The following CFAP47 variants were observed in gnomAD, a reference collection of about 807,000 sequenced individuals.
CFAP47 encodes cilia- and flagella-associated protein 47.
A neutral mutation model predicts 148.1 loss-of-function variants in CFAP47; 29 were observed. That is an observed-to-expected ratio of 0.20 (90% CI 0.15 to 0.27). CFAP47 has a LOEUF of 0.27. Ranked by LOEUF, CFAP47 falls within the 10% of genes least tolerant of loss-of-function variation. The pLI is 1.00. For missense variants in CFAP47, 1,872 were observed against 1,697.5 expected (o/e 1.10, Z -1.81); for synonymous variants, 664 against 577.3 (o/e 1.15, Z -2.15).
At chrX:36,211,684 T>A (rs187657097) in intron 45 of CFAP47, 44 of 187,266 alleles carry the variant, frequency 2.3e-4, no homozygotes, top group Middle Eastern at 5.0e-3. Flanking sequence ...AGGAGGAAGA[T>A]GAAGAAGATG....
chrX:36,195,933 T>C (rs1247929219), intron 42 of CFAP47, among the ~76,000 whole-genome samples: 5 of 111,677 alleles, frequency 4.5e-5, no homozygotes, highest in African/African-American at 1.6e-4. Context: ...GAGGAAATAA[T>C]GTCCTAAAAC....
intron 49 of CFAP47, among the ~76,000 whole-genome samples, chrX:36,275,589 T>C (rs952098430): frequency 5.3e-4 from 59 of 111,042 alleles, no homozygotes; most frequent in Middle Eastern, 4.6e-3. Context: ...CTGAATTCAG[T>C]ATGCCAGTGT....
At position 36,053,431 on chromosome X, in the gene CFAP47, CATT is replaced by C. The variant is rs774466500; in HGVS notation, c.4217+6372_4217+6374del. On this transcript the variant is annotated intron_variant, in intron 26 of 63. Coordinates refer to ENST00000378653, the MANE Select transcript of CFAP47 (RefSeq NM_001304548.2). The stretch of plus-strand genomic sequence containing the variant: ...TCAGTATGGTAATATTACCTCAAAA[CATT>C]ATTTGTCATGGTTTGGGGGGATGAG... Among the ~76,000 whole-genome samples the C allele has an allele frequency of 5.1e-3, 571 of 111,649 alleles. 6 individuals carry two copies. Among genetic ancestry groups the C allele is most frequent in the African/African-American group, 0.018 (547 of 30,700 alleles).
intron 29 of CFAP47, among the ~76,000 whole-genome samples, chrX:36,076,280 T>G (rs1937853652): frequency 1.9e-5 from 2 of 105,826 alleles, no homozygotes; most frequent in Non-Finnish European, 3.9e-5. Context: ...CTGCACCCAT[T>G]AACTCATCAT....
chrX:36,108,832 A>G (rs749732714), intron 33 of CFAP47, among the ~76,000 whole-genome samples: 2 of 101,095 alleles, frequency 2.0e-5, no homozygotes, highest in East Asian at 6.1e-4. Context: ...TCATGGGTAC[A>G]TGTTCAGGTT....
intron 22 of CFAP47, among the ~76,000 whole-genome samples, chrX:36,015,179 G>A (rs2146704807): frequency 9.1e-6 from 1 of 109,909 alleles, no homozygotes; most frequent in South Asian, 3.8e-4. Context: ...ACATTATTAT[G>A]TGGTCAATTT....
intron 62 of CFAP47, among the ~76,000 whole-genome samples, chrX:36,372,298 AACTT>A (rs1158137120): frequency 2.7e-5 from 3 of 111,411 alleles, no homozygotes; most frequent in Non-Finnish European, 5.7e-5. Context: ...TTGGGAAACT[AACTT>A]AGGGCAACAT....
Position 36,030,638 on chromosome X carries a change from C to CT in CFAP47, c.3557-606dup, listed in dbSNP as rs756454100. ...ATCAGAAATTGTTTTATTTTATTTA[C>CT]TTTTTTTTTCAAAAGCTGGTGATAC... On this transcript the variant is annotated intron_variant, in intron 22 of 63. Transcript: ENST00000378653. Among the ~76,000 whole-genome samples the CT allele has an allele frequency of 5.0e-3, 544 of 108,761 alleles. 4 individuals are homozygous for CT. The highest frequency in any genetic ancestry group is 0.016 in the African/African-American group (490 of 30,100). 94.4% of individuals were successfully genotyped at this position (108,761 alleles called of 115,157 possible). A position where few individuals can be genotyped will look rare whatever the true frequency, so the allele number is the denominator to read the frequency against.
In CFAP47 at chrX:36,205,127, G is replaced by T. The variant is rs73197180; in HGVS notation, c.6817+17G>T. 1 of 295,276 alleles carries T rather than the reference G, an allele frequency of 3.4e-6. No homozygotes were observed. Among genetic ancestry groups the T allele is most frequent in the Non-Finnish European group, 5.9e-6 (1 of 168,791 alleles). The allele number at this position is 295,276 out of a possible 1,213,427, so 24.3% of individuals were successfully genotyped here. On this transcript the variant is annotated intron_variant, in intron 45 of 63. Transcript: ENST00000378653. The stretch of plus-strand genomic sequence containing the variant: ...AAGCAAAAGGTAATCAGTGATGTGC[G>T]GCCTAAAAATCTAAGTGTTCCGGGA...
At chrX:35,993,165 C>T in intron 17 of CFAP47, 25 bp from the exon 18 acceptor site, 1 of 292,447 alleles carries the variant, frequency 3.4e-6, no homozygotes, top group Non-Finnish European at 6.0e-6. Flanking sequence ...AATAATGTAT[C>T]ATTTCTGCAA....
At chrX:36,037,184 A>G (rs760740692) in intron 24 of CFAP47, among the ~76,000 whole-genome samples, 1 of 111,949 alleles carries the variant, frequency 8.9e-6, no homozygotes, top group Non-Finnish European at 1.9e-5. Context: ...CTTCTCCTTT[A>G]TGTGCCTGTC....
chrX:36,336,244 GACACACACACACACACACACACAC>G (rs781925226), intron 57 of CFAP47, among the ~76,000 whole-genome samples: 10 of 65,706 alleles, frequency 1.5e-4, no homozygotes, highest in African/African-American at 4.0e-4. Flanking sequence ...CAGACACACA[GACACACACACACACACACACACAC>G]ACACACACAC....
intron 18 of CFAP47, among the ~76,000 whole-genome samples, chrX:35,995,679 A>T (rs1936838612): frequency 9.0e-6 from 1 of 111,243 alleles, no homozygotes; most frequent in Admixed American, 9.7e-5. Flanking sequence ...GATTGTAGAG[A>T]TGTCTAGTAA....
chrX:36,265,104 T>C (rs781964928), intron 49 of CFAP47, among the ~76,000 whole-genome samples: 2 of 111,560 alleles, frequency 1.8e-5, no homozygotes, highest in Non-Finnish European at 1.9e-5. Flanking sequence ...GTAATTCTCA[T>C]TGTAGTCATT....
In CFAP47 at chrX:36,073,235, T is replaced by A. The variant is rs763235309; in HGVS notation, c.4562T>A (p.Leu1521His). ...SLEKEKYEQFLSLEEGTKAHY... is the reference protein window; with the variant it reads ...SLEKEKYEQFHSLEEGTKAHY... ...GAAAAGGAAAAATATGAACAATTCCTTTCTCTTGAGGAAGGAACAAAGGCA... is the reference window on the plus strand; with the variant it reads ...GAAAAGGAAAAATATGAACAATTCCATTCTCTTGAGGAAGGAACAAAGGCA... Residue 1521 changes from leucine (L) to histidine (H), a missense_variant, in exon 29 of 64, where the codon CTT (leucine) becomes CAT (histidine). Transcript: ENST00000378653. 11 of 1,209,346 alleles carry A rather than the reference T, an allele frequency of 9.1e-6. No individual in the cohort carries two copies. The highest frequency in any genetic ancestry group is 2.3e-4 in the Middle Eastern group (1 of 4,349).
At chrX:36,269,029 A>C (rs185515495) in intron 49 of CFAP47, among the ~76,000 whole-genome samples, 2 of 112,018 alleles carry the variant, frequency 1.8e-5, no homozygotes, top group South Asian at 7.4e-4. Context: ...AAAATATGTC[A>C]GTATTTCAAA....
At chrX:36,075,200 TTTTTA>T (rs973861730) in intron 29 of CFAP47, among the ~76,000 whole-genome samples, 9 of 107,002 alleles carry the variant, frequency 8.4e-5, no homozygotes, top group African/African-American at 3.1e-4. Flanking sequence ...ATATGTATTA[TTTTTA>T]TTTATTTATT....
intron 55 of CFAP47, among the ~76,000 whole-genome samples, chrX:36,308,069 C>G (rs1414338242): frequency 2.7e-5 from 3 of 111,236 alleles, no homozygotes; most frequent in African/African-American, 9.8e-5. Context: ...AATTTTTTTG[C>G]TTGCATTTCT....
chrX:36,108,708 C>T (rs1262125483), intron 33 of CFAP47, among the ~76,000 whole-genome samples: 1 of 110,924 alleles, frequency 9.0e-6, no homozygotes, highest in African/African-American at 3.3e-5. Flanking sequence ...CAATATCTAC[C>T]ATACCTTATA....
Sources: allele counts gnomAD v4.1 joint callset (sites outside exome capture counted in the v4.1 genomes callset), GRCh38; gene constraint gnomAD v4.1.1; transcripts MANE v1.5; gene names NCBI Gene and HGNC (gene_info 2026-07-23, HGNC 2026-07-21).